Variants in DSC2 observed in about 807,000 individuals in gnomAD.
The protein encoded by DSC2 is desmocollin-2.
A neutral mutation model predicts 87.6 loss-of-function variants in DSC2; 51 were observed. The ratio of observed to expected loss-of-function variants is 0.58; its 90% CI spans 0.46 to 0.74. The LOEUF is 0.74. Ranked by LOEUF, DSC2 falls within the 30% of genes least tolerant of loss-of-function variation. The probability of loss-of-function intolerance (pLI) is 0.00; values close to 1 mark genes in which losing one functional copy is unlikely to be tolerated. For missense variants in DSC2, 1,066 were observed against 1,089.5 expected, an observed-to-expected ratio of 0.98 and a Z score of 0.30; for synonymous variants, 383 against 393.2, an observed-to-expected ratio of 0.97 and a Z score of 0.31.
chr18:31,083,699 T>C (rs1382676875), intron 7 of DSC2, among the ~76,000 whole-genome samples: 3 of 152,300 alleles, frequency 2.0e-5, no homozygotes, highest in African/African-American at 4.8e-5. Flanking sequence ...TGGGGCTATG[T>C]AGGTTTTTTT....
rs142890221 is a variant in DSC2, at chr18:31,096,688, T to A, written c.70-3045A>T. The stretch of plus-strand genomic sequence containing the variant: ...TTTTTTAGTCTCAAAAAATAAGAAT[T>A]GATAAGTACTTTTGCAATGTGATCT... On this transcript the variant is annotated intron_variant, in intron 1 of 15. Coordinates refer to ENST00000280904, the MANE Select transcript of DSC2 (RefSeq NM_024422.6). Among the ~76,000 whole-genome samples the A allele has an allele frequency of 4.1e-3, 631 of 152,224 alleles. 23 individuals are homozygous for A. The highest frequency in any genetic ancestry group is 0.038 in the Admixed American group (582 of 15,292).
chr18:31,068,425 G>C, intron 15 of DSC2: 1 of 1,391,618 alleles, frequency 7.2e-7, no homozygotes, highest in South Asian at 1.2e-5. Flanking sequence ...TAAAAGTCAC[G>C]CATGTGGCAG....
chr18:31,062,695 T>TGGTAGG lies in DSC2; in HGVS notation c.*5319_*5320insCCTACC. On this transcript the variant is annotated 3_prime_UTR_variant, in exon 16 of 16. Transcript: ENST00000280904. ...CATTTCAATATGGGGCAATTATTGG[T>TGGTAGG]GGCTACAAGTAGGTTCGTGCAATTA... 1 of 152,332 alleles carries TGGTAGG rather than the reference T, an allele frequency of 6.6e-6. No homozygotes were observed. Among genetic ancestry groups the TGGTAGG allele is most frequent in the East Asian group, 1.9e-4 (1 of 5,174 alleles). The allele number at this position is 152,332 out of a possible 1,614,324, so 9.4% of individuals were successfully genotyped here.
intron 12 of DSC2, 42 bp from the exon 13 acceptor site, chr18:31,071,883 A>G (rs1358573307): frequency 2.0e-5 from 30 of 1,513,432 alleles, no homozygotes; most frequent in Middle Eastern, 1.7e-4. Flanking sequence ...ATACAATGTC[A>G]CTGATTTCTT....
At chr18:31,088,757 T>C (rs534345829) in intron 5 of DSC2, among the ~76,000 whole-genome samples, 3 of 152,232 alleles carry the variant, frequency 2.0e-5, no homozygotes, top group African/African-American at 7.2e-5. Flanking sequence ...CCCCATAAAC[T>C]AATGCTCTCC....
In DSC2 at chr18:31,064,269, T is replaced by C. The variant is rs1270895522; in HGVS notation, c.*3746A>G. On this transcript the variant is annotated 3_prime_UTR_variant, in exon 16 of 16. Coordinates refer to ENST00000280904, the MANE Select transcript of DSC2 (RefSeq NM_024422.6). ...TACAGGCATTAGCCCACTCCTTACA[T>C]CCACCGTGTCTTGACTTGCATTCAA... is the stretch of plus-strand genomic sequence containing the variant. The C allele has an allele frequency of 6.6e-6, 1 of 152,198 alleles. No homozygotes were observed. The highest frequency in any genetic ancestry group is 1.5e-5 in the Non-Finnish European group (1 of 68,032). The allele number at this position is 152,198 out of a possible 1,614,324, so 9.4% of individuals were successfully genotyped here.
chr18:31,062,201 T>C lies in DSC2; in HGVS notation c.*5814A>G, dbSNP rs1167255920. 1 of 152,196 alleles carries C rather than the reference T, an allele frequency of 6.6e-6. No individual in the cohort carries two copies. The highest frequency in any genetic ancestry group is 1.5e-5 in the Non-Finnish European group (1 of 68,036). The allele number at this position is 152,196 out of a possible 1,614,324, so 9.4% of individuals were successfully genotyped here. ...TACAGAATGTTCTCCCAGCCTAACA[T>C]GGAAAAAGCTCGTAGATGTATGCCA... On this transcript the variant is annotated 3_prime_UTR_variant, in exon 16 of 16. Coordinates refer to ENST00000280904, the MANE Select transcript of DSC2 (RefSeq NM_024422.6).
chr18:31,065,154 T>G lies in DSC2; in HGVS notation c.*2861A>C, dbSNP rs1324643757. 1 of 152,188 alleles carries G rather than the reference T, an allele frequency of 6.6e-6. No individual in the cohort carries two copies. Among genetic ancestry groups the G allele is most frequent in the Non-Finnish European group, 1.5e-5 (1 of 68,018 alleles). 9.4% of individuals were successfully genotyped at this position (152,188 alleles called of 1,614,324 possible). On this transcript the variant is annotated 3_prime_UTR_variant, in exon 16 of 16. Coordinates refer to ENST00000280904, the MANE Select transcript of DSC2 (RefSeq NM_024422.6). ...TAGGGATGAATAAGATGTAACTTGCTGAATACCACAAATGAGAGACCTGGA... is the reference window on the plus strand; with the variant it reads ...TAGGGATGAATAAGATGTAACTTGCGGAATACCACAAATGAGAGACCTGGA...
chr18:31,080,471 A>G, intron 9 of DSC2, 119 bp from the exon 10 acceptor site: 1 of 1,202,610 alleles, frequency 8.3e-7, no homozygotes, highest in Non-Finnish European at 1.2e-6. Context: ...AATAACCACG[A>G]GAATATGAAA....
At chr18:31,090,594 G>C (rs1024178047) in intron 4 of DSC2, among the ~76,000 whole-genome samples, 2 of 152,142 alleles carry the variant, frequency 1.3e-5, no homozygotes, top group African/African-American at 2.4e-5. Flanking sequence ...GAGACAGAGA[G>C]AGAGAGAAAG....
intron 6 of DSC2, 85 bp downstream of exon 6, chr18:31,087,584 G>A (rs774673509): frequency 1.7e-5 from 25 of 1,451,430 alleles, no homozygotes; most frequent in African/African-American, 7.0e-5. Flanking sequence ...GCTGGGATAC[G>A]CTGCTTCTCA....
At chr18:31,086,539 C>T in intron 7 of DSC2, 37 bp downstream of exon 7, 1 of 1,612,934 alleles carries the variant, frequency 6.2e-7, no homozygotes, top group Non-Finnish European at 8.5e-7. Context: ...TATTGAATAG[C>T]CACGTTATAA....
At chr18:31,085,550 T>C (rs971705921) in intron 7 of DSC2, among the ~76,000 whole-genome samples, 7 of 151,746 alleles carry the variant, frequency 4.6e-5, no homozygotes, top group Non-Finnish European at 1.0e-4. Context: ...CCTAGATAAA[T>C]AAAAGATCTT....
chr18:31,097,110 G>A (rs1345274558), intron 1 of DSC2, among the ~76,000 whole-genome samples: 1 of 151,468 alleles, frequency 6.6e-6, no homozygotes, highest in Non-Finnish European at 1.5e-5. Context: ...GTGAAACCCT[G>A]TCTCTACTAA....
rs865914095 is a variant in DSC2 at position 31,080,199 on chromosome 18, G to A, written c.1417C>T (p.Pro473Ser). The change falls in exon 10 of 16, where the codon CCT (proline) becomes TCT (serine). Residue 473 changes from proline to serine, a missense_variant. Coordinates refer to ENST00000280904, the MANE Select transcript of DSC2 (RefSeq NM_024422.6). ...TTCATGCGAACAGTCTGTATTGGAG[G>A]GTTACACTCAGGGCCCTCATCCTGA... is the stretch of plus-strand genomic sequence containing the variant. ...EDQDEGPECN[P>S]PIQTVRMKEN... is the part of the protein sequence containing the mutation. The A allele has an allele frequency of 2.5e-6, 4 of 1,614,004 alleles. 1 individual carries two copies. In the Middle Eastern group the frequency reaches 4.9e-4, roughly 200 times the overall value.
rs971614586 is a variant in DSC2, at chr18:31,059,580, T to C, written c.*8435A>G. On this transcript the variant is annotated 3_prime_UTR_variant, in exon 16 of 16. Transcript: ENST00000280904. ...TAAAGCCTGTGAGTTTTTCTTGCTC[T>C]GTATTTCATTTACATGAACTTTTCC... is the stretch of plus-strand genomic sequence containing the variant. 2.0e-5 allele frequency: 3 copies of C among 152,218 alleles called. No homozygotes were observed. Among genetic ancestry groups the C allele is most frequent in the African/African-American group, 7.2e-5 (3 of 41,470 alleles). 9.4% of individuals were successfully genotyped at this position (152,218 alleles called of 1,614,324 possible).
rs1221743733 is a variant in DSC2 at position 31,089,309 on chromosome 18, T to G, written c.630+130A>C. Reference sequence around the variant, plus strand: ...TATTTTTTGTTTCAAGTCAATTATGTGCTATTAGGGAGTAGCCAGAGCATT... The same window carrying G: ...TATTTTTTGTTTCAAGTCAATTATGGGCTATTAGGGAGTAGCCAGAGCATT... On this transcript the variant is annotated intron_variant, in intron 5 of 15. Coordinates refer to ENST00000280904, the MANE Select transcript of DSC2 (RefSeq NM_024422.6). 9.8e-6 allele frequency: 9 copies of G among 916,020 alleles called. No individual in the cohort carries two copies. The East Asian group carries it at 2.3e-4, about 23-fold the overall frequency. The allele number at this position is 916,020 out of a possible 1,614,324, so 56.7% of individuals were successfully genotyped here.
At chr18:31,073,359 C>T (rs1986893560) in intron 12 of DSC2, among the ~76,000 whole-genome samples, 1 of 128,388 alleles carries the variant, frequency 7.8e-6, no homozygotes, top group Non-Finnish European at 1.6e-5. Flanking sequence ...CTGATAACCC[C>T]GATACACACA....
In DSC2 at chr18:31,059,849, C is replaced by T. The variant is rs1306575773; in HGVS notation, c.*8166G>A. 2 of 152,020 alleles carry T rather than the reference C, an allele frequency of 1.3e-5. No homozygotes were observed. Among genetic ancestry groups the T allele is most frequent in the African/African-American group, 4.8e-5 (2 of 41,400 alleles). 9.4% of individuals were successfully genotyped at this position (152,020 alleles called of 1,614,324 possible). On this transcript the variant is annotated 3_prime_UTR_variant, in exon 16 of 16. Transcript: ENST00000280904. ...AAAATAAAATGATTGCATGATATTC[C>T]ATCATCATATCACAATAGTGATAGC...
Sources: gnomAD v4.1 joint callset for allele counts (sites outside exome capture counted in the v4.1 genomes callset) on GRCh38, gnomAD v4.1.1 for gene constraint, MANE v1.5 for transcripts, NCBI Gene and HGNC (gene_info 2026-07-23, HGNC 2026-07-21) for gene names.